The following LRP1B variants were observed in gnomAD, a reference collection of about 807,000 sequenced individuals.
LRP1B encodes low-density lipoprotein receptor-related protein 1B.
In LRP1B, 217 loss-of-function variants were observed where a neutral mutation model predicts 556.6. That is an observed-to-expected ratio of 0.39 (90% CI 0.35 to 0.44). The LOEUF is 0.44. Among genes scored for constraint, LRP1B ranks in the 20% least tolerant of loss-of-function variants. LRP1B has a pLI of 1.00. For synonymous variants in LRP1B, 2,047 were observed against 1,865.8 expected, an observed-to-expected ratio of 1.10 and a Z score of -2.50; for missense variants, 5,053 against 5,620.8, an observed-to-expected ratio of 0.90 and a Z score of 3.23.
intron 83 of LRP1B, among the ~76,000 whole-genome samples, chr2:140,303,895 T>C (rs1683950763): frequency 6.6e-6 from 1 of 151,752 alleles, no homozygotes; most frequent in Non-Finnish European, 1.5e-5. Context: ...CACCTATGAG[T>C]GAGAACGTGT....
intron 66 of LRP1B, among the ~76,000 whole-genome samples, chr2:140,426,253 A>T (rs993653172): frequency 1.3e-5 from 2 of 152,374 alleles, no homozygotes; most frequent in Non-Finnish European, 2.9e-5. Flanking sequence ...GAATCATTTG[A>T]AAAGCTAAGC....
intron 7 of LRP1B, among the ~76,000 whole-genome samples, chr2:141,162,804 A>T (rs1232169369): frequency 3.9e-5 from 6 of 152,118 alleles, no homozygotes; most frequent in African/African-American, 1.2e-4. Flanking sequence ...ATATATTAAC[A>T]ATGTATATAA....
At chr2:140,358,207 A>G (rs963705400) in intron 73 of LRP1B, 91 bp from the exon 74 acceptor site, 26 of 1,181,090 alleles carry the variant, frequency 2.2e-5, no homozygotes, top group Non-Finnish European at 3.0e-5. Context: ...ACTAACTACT[A>G]TGAAAAACAT....
chr2:140,551,761 A>G (rs1680556057), intron 43 of LRP1B, among the ~76,000 whole-genome samples: 1 of 152,148 alleles, frequency 6.6e-6, no homozygotes, highest in Admixed American at 6.6e-5. Flanking sequence ...AGAAAAGTGA[A>G]GAACCCAATT....
chr2:141,825,599 A>G (rs1574403250), intron 1 of LRP1B, among the ~76,000 whole-genome samples: 1 of 152,166 alleles, frequency 6.6e-6, no homozygotes, highest in Non-Finnish European at 1.5e-5. Context: ...GTGATGGGGG[A>G]CAGAGGTCTT....
intron 3 of LRP1B, among the ~76,000 whole-genome samples, chr2:141,310,795 A>G (rs1034507083): frequency 6.6e-6 from 1 of 152,214 alleles, no homozygotes; most frequent in Non-Finnish European, 1.5e-5. Flanking sequence ...ATTGATGCCC[A>G]TGATTGTGTA....
At chr2:141,028,036 T>C (rs1698264745) in intron 11 of LRP1B, among the ~76,000 whole-genome samples, 1 of 152,092 alleles carries the variant, frequency 6.6e-6, no homozygotes, top group Admixed American at 6.6e-5. Context: ...CCTGAATCAA[T>C]TAAGACAGAG....
intron 3 of LRP1B, among the ~76,000 whole-genome samples, chr2:141,331,503 CTTCTTTCTTTCTTTCTTTCTCT>C (rs1687647005): frequency 2.5e-5 from 1 of 39,880 alleles, no homozygotes; most frequent in Non-Finnish European, 5.0e-5. Context: ...TCTTTCTTTC[CTTCTTTCTTTCTTTCTTTCTCT>C]TTCTTTCTTT....
intron 20 of LRP1B, among the ~76,000 whole-genome samples, chr2:140,938,055 G>A (rs1234934163): frequency 6.6e-6 from 1 of 151,642 alleles, no homozygotes; most frequent in Non-Finnish European, 1.5e-5. Context: ...CTCTAACACA[G>A]GATGCAATCA....
intron 6 of LRP1B, among the ~76,000 whole-genome samples, chr2:141,212,861 A>T (rs1368737403): frequency 6.6e-6 from 1 of 152,158 alleles, no homozygotes; most frequent in African/African-American, 2.4e-5. Flanking sequence ...CGTATAATGA[A>T]ACCATTTTTA....
intron 32 of LRP1B, among the ~76,000 whole-genome samples, chr2:140,806,312 C>G (rs1189430187): frequency 1.3e-5 from 2 of 152,034 alleles, no homozygotes; most frequent in African/African-American, 4.8e-5. Context: ...TATGCATACA[C>G]CTTGACACTC....
At chr2:142,086,466 G>A (rs568825700) in intron 1 of LRP1B, among the ~76,000 whole-genome samples, 24 of 152,146 alleles carry the variant, frequency 1.6e-4, no homozygotes, top group Non-Finnish European at 2.6e-4. Flanking sequence ...TTATCTGGGC[G>A]TGGTGGCGGG....
At chr2:141,603,134 T>C (rs1271257165) in intron 2 of LRP1B, among the ~76,000 whole-genome samples, 1 of 152,178 alleles carries the variant, frequency 6.6e-6, no homozygotes, top group Non-Finnish European at 1.5e-5. Context: ...CACTCTTAGA[T>C]TCCTGGAAGC....
chr2:140,408,185 T>A (rs554221610), intron 66 of LRP1B, among the ~76,000 whole-genome samples: 1 of 151,906 alleles, frequency 6.6e-6, no homozygotes, highest in Non-Finnish European at 1.5e-5. Flanking sequence ...ACAGGCGATG[T>A]GGGAGTGGGG....
chr2:141,160,834 G>A (rs1679993898), intron 7 of LRP1B, among the ~76,000 whole-genome samples: 1 of 117,408 alleles, frequency 8.5e-6, no homozygotes, highest in Admixed American at 9.0e-5. Context: ...TTTTGGTGAT[G>A]GCAAAATTAA....
intron 27 of LRP1B, among the ~76,000 whole-genome samples, chr2:140,857,169 A>T (rs1230517126): frequency 6.6e-6 from 1 of 152,214 alleles, no homozygotes. Context: ...AATAAAATAC[A>T]CATAAATGTT....
At chr2:141,838,306 T>G (rs1365744282) in intron 1 of LRP1B, among the ~76,000 whole-genome samples, 1 of 152,142 alleles carries the variant, frequency 6.6e-6, no homozygotes, top group African/African-American at 2.4e-5. Context: ...AACTGACTCC[T>G]GGCCTATAGA....
chr2:140,732,975 G>A (rs534711907), intron 35 of LRP1B, among the ~76,000 whole-genome samples: 1 of 152,190 alleles, frequency 6.6e-6, no homozygotes, highest in Admixed American at 6.5e-5. Flanking sequence ...TCAAAGTAGA[G>A]ATATAACAAT....
At chr2:141,463,123 T>C (rs920732568) in intron 3 of LRP1B, among the ~76,000 whole-genome samples, 1 of 152,180 alleles carries the variant, frequency 6.6e-6, no homozygotes, top group African/African-American at 2.4e-5. Flanking sequence ...GAGGCAGTTC[T>C]TGTTTAGATT....
Sources: allele counts gnomAD v4.1 joint callset (sites outside exome capture counted in the v4.1 genomes callset), GRCh38; gene constraint gnomAD v4.1.1; transcripts MANE v1.5; gene names NCBI Gene and HGNC (gene_info 2026-07-23, HGNC 2026-07-21).